Variants in NOC2L observed in about 807,000 individuals in gnomAD.
NOC2L encodes nucleolar complex protein 2 homolog.
In NOC2L, 101 loss-of-function variants were observed where a neutral mutation model predicts 94.2. The observed-to-expected ratio is 1.07, with a 90% CI of 0.91 to 1.26. The LOEUF (loss-of-function observed/expected upper bound fraction) is 1.26, where lower values mean the gene tolerates loss of function less well. Among genes scored for constraint, NOC2L ranks in the 50% most tolerant of loss-of-function variants. The pLI is 0.00. For missense variants in NOC2L, 1,076 were observed against 980.1 expected (o/e 1.10, Z -1.31); for synonymous variants, 531 against 413.4 (o/e 1.28, Z -3.45).
Position 958,999 on chromosome 1 carries a change from G to C in NOC2L, c.109C>G (p.Gln37Glu), listed in dbSNP as rs375481825. 10 of 1,612,652 alleles carry C rather than the reference G, an allele frequency of 6.2e-6. No individual in the cohort carries two copies. In the Admixed American group the frequency reaches 1.5e-4, roughly 24 times the overall value. ...ESESESENSP[Q>E]AETREAREAA... is the part of the protein sequence containing the mutation. Reference sequence around the variant, plus strand: ...TCGCGTGCTTCCCGTGTCTCCGCTTGTGGAGAATTTTCGGACTCGGATTCG... The same window carrying C: ...TCGCGTGCTTCCCGTGTCTCCGCTTCTGGAGAATTTTCGGACTCGGATTCG... The change falls in exon 2 of 19, where the codon CAA becomes GAA. Residue 37 changes from glutamine (Q) to glutamate (E), a missense_variant. Coordinates refer to ENST00000327044, the MANE Select transcript of NOC2L (RefSeq NM_015658.4).
chr1:950,593 GCAGGCACA>G (rs1015186486), intron 12 of NOC2L, among the ~76,000 whole-genome samples: 1 of 152,024 alleles, frequency 6.6e-6, no homozygotes, highest in African/African-American at 2.4e-5. Flanking sequence ...GCACACACCT[GCAGGCACA>G]CAGGCATTCA....
chr1:950,834 G>GTTTTGGC, intron 12 of NOC2L, among the ~76,000 whole-genome samples: 1 of 152,260 alleles, frequency 6.6e-6, no homozygotes, highest in Non-Finnish European at 1.5e-5. Flanking sequence ...TCAGACTTGG[G>GTTTTGGC]TTTTGGCCCA....
Position 945,134 on chromosome 1 carries a change from G to A in NOC2L, c.2066C>T (p.Pro689Leu), listed in dbSNP as rs764622834. The change falls in exon 18 of 19, where the codon CCC (proline) becomes CTC (leucine). Residue 689 changes from proline to leucine, a missense_variant. By Grantham distance (98) the Pro-to-Leu change is moderately conservative. Coordinates refer to ENST00000327044, the MANE Select transcript of NOC2L (RefSeq NM_015658.4). ...TTCCACCCCATGCCGAGTGCTCAGGGGCCTCAGTATCCCTGAGGAACAAGA... is the reference window on the plus strand; with the variant it reads ...TTCCACCCCATGCCGAGTGCTCAGGAGCCTCAGTATCCCTGAGGAACAAGA... ...EGFSERGILRPLSTRHGVEDD... is the reference protein window; with the variant it reads ...EGFSERGILRLLSTRHGVEDD... The A allele has an allele frequency of 3.7e-6, 6 of 1,608,806 alleles. No homozygotes were observed. The highest frequency in any genetic ancestry group is 4.2e-6 in the Non-Finnish European group (5 of 1,177,496).
At chr1:952,242 G>A (rs931269217) in intron 10 of NOC2L, 103 bp from the exon 11 acceptor site, 18 of 1,457,452 alleles carry the variant, frequency 1.2e-5, no homozygotes, top group Admixed American at 7.3e-5. Context: ...TCTTGCACAC[G>A]GGGTCTCAAC....
In NOC2L at chr1:952,099, C is replaced by G. The variant is rs763964319; in HGVS notation, c.1232G>C (p.Cys411Ser). The change falls in exon 11 of 19, where the codon TGC (cysteine) becomes TCC (serine). Residue 411 changes from cysteine to serine, a missense_variant. Physicochemically the swap from Cys to Ser is moderately radical, Grantham distance 112. This residue lies in a region of NOC2L where 615 missense variants were observed against 577.4 expected (regional missense o/e 1.07). Transcript: ENST00000327044. The stretch of plus-strand genomic sequence containing the variant: ...CAGGACCCGGCACCACAGGAAGAGG[C>G]AGTGCACATACTGCCAGTTGTACAC... ...QSVYNWQYVH[C>S]LFLWCRVLST... is the part of the protein sequence containing the mutation. The G allele has an allele frequency of 1.2e-6, 2 of 1,613,586 alleles. No homozygotes were observed. The highest frequency in any genetic ancestry group is 2.7e-5 in the African/African-American group (2 of 74,940).
In NOC2L at chr1:945,632, C is replaced by T; in HGVS notation, c.1939G>A (p.Glu647Lys). Residue 647 changes from glutamate (E) to lysine (K), a missense_variant, in exon 17 of 19, where the codon GAG (glutamate) becomes AAG (lysine). This residue lies in a region of NOC2L where 615 missense variants were observed against 577.4 expected (regional missense o/e 1.07). Coordinates refer to ENST00000327044, the MANE Select transcript of NOC2L (RefSeq NM_015658.4). Reference sequence around the variant, plus strand: ...TCAGCCATCTTCCTTCGTTTGATCTCAGGGAAGTTCAGGTCTTCCAGCTGG... The same window carrying T: ...TCAGCCATCTTCCTTCGTTTGATCTTAGGGAAGTTCAGGTCTTCCAGCTGG... Reference protein sequence around the residue: ...KERLEDLNFPEIKRRKMADRK... With the variant: ...KERLEDLNFPKIKRRKMADRK... 6.2e-7 allele frequency: 1 copy of T among 1,614,202 alleles called. No homozygotes were observed. The highest frequency in any genetic ancestry group is 8.5e-7 in the Non-Finnish European group (1 of 1,180,012).
At chr1:945,426 C>A in intron 17 of NOC2L, 92 bp downstream of exon 17, 4 of 1,465,140 alleles carry the variant, frequency 2.7e-6, no homozygotes, top group Non-Finnish European at 3.7e-6. Context: ...GAGCCCCCTG[C>A]AGGATGGGTA....
In NOC2L at chr1:944,217, C is replaced by A; in HGVS notation, c.*477G>T. On this transcript the variant is annotated 3_prime_UTR_variant, in exon 19 of 19. Transcript: ENST00000327044. The stretch of plus-strand genomic sequence containing the variant: ...GGAGCCACCACTCAACACAATGGCC[C>A]TGCCTCCCACCGCTTTATTTCTTTC... 1 of 1,477,350 alleles carries A rather than the reference C, an allele frequency of 6.8e-7. No individual in the cohort carries two copies. 91.5% of individuals were successfully genotyped at this position (1,477,350 alleles called of 1,614,324 possible).
At chr1:945,010 C>T (rs3748593) in intron 18 of NOC2L, 47 bp downstream of exon 18, 3 of 1,613,074 alleles carry the variant, frequency 1.9e-6, no homozygotes, top group South Asian at 1.1e-5. Context: ...TGCCCTCCCG[C>T]CAGATGGGCT....
At chr1:949,991 G>A (rs561971283) in intron 12 of NOC2L, among the ~76,000 whole-genome samples, 9 of 152,192 alleles carry the variant, frequency 5.9e-5, no homozygotes, top group Non-Finnish European at 1.3e-4. Context: ...ACAGCGGGGT[G>A]GGGCCTAACC....
At chr1:955,724 A>G (rs1642383465) in intron 6 of NOC2L, among the ~76,000 whole-genome samples, 199 bp downstream of exon 6, 1 of 152,192 alleles carries the variant, frequency 6.6e-6, no homozygotes, top group Non-Finnish European at 1.5e-5. Flanking sequence ...GGAAGGAAAG[A>G]AGGTGGGGCC....
At chr1:957,068 GC>G (rs1642424395) in intron 3 of NOC2L, 30 bp downstream of exon 3, 1 of 1,613,964 alleles carries the variant, frequency 6.2e-7, no homozygotes, top group Non-Finnish European at 8.5e-7. Flanking sequence ...AGAGACAAGT[GC>G]CCCCCTTCTG....
chr1:955,272 G>C (rs1024131843), intron 6 of NOC2L, among the ~76,000 whole-genome samples: 1 of 152,266 alleles, frequency 6.6e-6, no homozygotes, highest in African/African-American at 2.4e-5. Flanking sequence ...TGTCTCCTGA[G>C]CCGCTGTCGG....
intron 2 of NOC2L, 58 bp downstream of exon 2, chr1:958,871 C>A (rs1430474928): frequency 6.2e-7 from 1 of 1,604,858 alleles, no homozygotes; most frequent in Admixed American, 1.7e-5. Context: ...AGGTCAGCAA[C>A]CCAACCGGGG....
intron 17 of NOC2L, 165 bp from the exon 18 acceptor site, chr1:945,311 G>A (rs918676083): frequency 7.0e-6 from 7 of 1,004,178 alleles, no homozygotes; most frequent in African/African-American, 1.6e-5. Context: ...ACAGGCCTGG[G>A]GACAGAGTTA....
Position 945,121 on chromosome 1 carries a change from C to CCGAGT in NOC2L, c.2074_2078dup (p.His694LeufsTer67). 1.2e-6 allele frequency: 2 copies of CCGAGT among 1,612,422 alleles called. No homozygotes were observed. Among genetic ancestry groups the CCGAGT allele is most frequent in the Non-Finnish European group, 1.7e-6 (2 of 1,179,224 alleles). ...CCTCTTCATCGTCTTCCACCCCATG[C>CCGAGT]CGAGTGCTCAGGGGCCTCAGTATCC... is the stretch of plus-strand genomic sequence containing the variant. On this transcript the variant is annotated frameshift_variant, in exon 18 of 19. Coordinates refer to ENST00000327044, the MANE Select transcript of NOC2L (RefSeq NM_015658.4). LOFTEE classifies it high-confidence loss of function.
chr1:945,793 A>C, intron 16 of NOC2L, 140 bp from the exon 17 acceptor site: 1 of 1,082,840 alleles, frequency 9.2e-7, no homozygotes, highest in East Asian at 2.4e-5. Context: ...TCACAAAGCC[A>C]TCCTCCAAGT....
Position 956,914 on chromosome 1 carries a change from T to C in NOC2L, c.466A>G (p.Arg156Gly), listed in dbSNP as rs1276763199. ...CTCACCTTTGCTGCCTGCTTCCATC[T>C]CTCAACCATGGCGACGGTCACAGGA... ...SVPVTVAMVE[R>G]WKQAAKQRLT... is the part of the protein sequence containing the mutation. Residue 156 changes from arginine (R) to glycine (G), a missense_variant, in exon 4 of 19, where the codon AGA becomes GGA. This residue lies in a region of NOC2L where 457 missense variants were observed against 386.0 expected (regional missense o/e 1.18). Coordinates refer to ENST00000327044, the MANE Select transcript of NOC2L (RefSeq NM_015658.4). The C allele has an allele frequency of 8.7e-6, 14 of 1,613,982 alleles. No homozygotes were observed. Among genetic ancestry groups the C allele is most frequent in the Non-Finnish European group, 1.2e-5 (14 of 1,180,024 alleles).
intron 14 of NOC2L, 79 bp from the exon 15 acceptor site, chr1:946,624 C>G: frequency 1.3e-6 from 2 of 1,533,164 alleles, no homozygotes; most frequent in East Asian, 2.3e-5. Flanking sequence ...TGCAAAACCA[C>G]GCGTGGTGGC....
Sources: gnomAD v4.1 joint callset for allele counts (sites outside exome capture counted in the v4.1 genomes callset) on GRCh38, gnomAD v4.1.1 for gene constraint, gnomAD v4.1.1 regional missense constraint, MANE v1.5 for transcripts, NCBI Gene and HGNC (gene_info 2026-07-23, HGNC 2026-07-21) for gene names.